ZNF461: variants seen among roughly 807,000 people sequenced by gnomAD.
ZNF461 encodes zinc finger protein 461.
ZNF461 carries 16 observed loss-of-function variants against 18.3 expected under a neutral mutation model. That is an observed-to-expected ratio of 0.88 (90% confidence interval 0.59 to 1.33). The LOEUF is 1.33. Among genes scored for constraint, ZNF461 ranks in the 40% most tolerant of loss-of-function variants. The pLI, the probability that ZNF461 is intolerant of heterozygous loss-of-function variation, is 0.00. For missense variants in ZNF461, 595 were observed against 669.9 expected (o/e 0.89, Z 1.23); for synonymous variants, 179 against 216.9 (o/e 0.83, Z 1.54).
chr19:36,648,500 GT>G (rs556558759), intron 4 of ZNF461, among the ~76,000 whole-genome samples: 24 of 149,888 alleles, frequency 1.6e-4, no homozygotes, highest in South Asian at 4.2e-4. Flanking sequence ...CACTTGTTAT[GT>G]TTTTTTTTTA....
At chr19:36,665,043 C>T (rs956183162) in intron 1 of ZNF461, among the ~76,000 whole-genome samples, 1 of 152,250 alleles carries the variant, frequency 6.6e-6, no homozygotes, top group African/African-American at 2.4e-5. Context: ...TAGGCCAGCC[C>T]ATTGTCCCAA....
intron 1 of ZNF461, among the ~76,000 whole-genome samples, chr19:36,665,656 C>G (rs533737044): frequency 1.4e-5 from 2 of 143,982 alleles, no homozygotes; most frequent in Admixed American, 1.5e-4. Context: ...TTGCAGTGAG[C>G]CGAGATCGCG....
rs1256518124 is a variant in ZNF461, at chr19:36,638,381, T to G, written c.*272A>C. The G allele has an allele frequency of 3.6e-6, 1 of 274,888 alleles. No homozygotes were observed. The highest frequency in any genetic ancestry group is 6.8e-6 in the Non-Finnish European group (1 of 147,230). 17.0% of individuals were successfully genotyped at this position (274,888 alleles called of 1,614,324 possible). On this transcript the variant is annotated 3_prime_UTR_variant, in exon 6 of 6. Transcript: ENST00000588268. ...AAATTGTTTTCATTTTATTTCACTG[T>G]TTCAGTGAAATATTTCACTGGTTTC...
In ZNF461 at chr19:36,648,558, TTTTG is replaced by T. The variant is rs150420348; in HGVS notation, c.233-4700_233-4697del. Among the ~76,000 whole-genome samples the T allele has an allele frequency of 0.031, 4,736 of 152,048 alleles. 490 individuals are homozygous for T. In the East Asian group the frequency reaches 0.38, roughly 12 times the overall value. On this transcript the variant is annotated intron_variant, in intron 4 of 5. Transcript: ENST00000588268. ...TGAGGTGATATCTCATTGTGTGCTT[TTTTG>T]TTTGTTTGTTTTTGTTTTCGTTTTT...
Position 36,664,689 on chromosome 19 carries a change from C to A in ZNF461, c.9+9G>T, listed in dbSNP as rs766037982. 5.3e-6 allele frequency: 8 copies of A among 1,509,108 alleles called. No individual in the cohort carries two copies. The highest frequency in any genetic ancestry group is 2.5e-5 in the Admixed American group (1 of 40,422). The allele number at this position is 1,509,108 out of a possible 1,614,324, so 93.5% of individuals were successfully genotyped here. On this transcript the variant is annotated intron_variant, in intron 2 of 5. Transcript: ENST00000588268. ...TATTGTAATTAGGAGCAAGAAAAAA[C>A]CAACTTACATGGGCCATGTCTTATT...
At chr19:36,658,483 A>G in intron 2 of ZNF461, 58 bp from the exon 3 acceptor site, 3 of 1,501,978 alleles carry the variant, frequency 2.0e-6, no homozygotes, top group African/African-American at 2.8e-5. Flanking sequence ...TTTAAAAAGA[A>G]AAGAGAAGTG....
chr19:36,652,611 C>T (rs1823958119), intron 4 of ZNF461, among the ~76,000 whole-genome samples: 1 of 151,486 alleles, frequency 6.6e-6, no homozygotes, highest in Non-Finnish European at 1.5e-5. Flanking sequence ...AATACACATA[C>T]ACACACCAAA....
chr19:36,643,426 A>T (rs2037464808), intron 5 of ZNF461: 1 of 154,566 alleles, frequency 6.5e-6, no homozygotes, highest in Non-Finnish European at 1.4e-5. Flanking sequence ...TAATATTACA[A>T]ATAGTAGTAG....
rs1156424409 is a variant in ZNF461, at chr19:36,639,497, T to C, written c.848A>G (p.Asn283Ser). Residue 283 changes from asparagine (N) to serine (S), a missense_variant, in exon 6 of 6, where the codon AAT (asparagine) becomes AGT (serine). Asn to Ser is a conservative substitution (Grantham distance 46, BLOSUM62 1). Transcript: ENST00000588268. ...YECNECGKAF[N>S]YGSELTLHQR... ...ATGTAGAGTAAGTTCTGAGCCATAA[T>C]TAAAGGCCTTCCCACATTCGTTACA... is the stretch of plus-strand genomic sequence containing the variant. 1 of 1,611,232 alleles carries C rather than the reference T, an allele frequency of 6.2e-7. No homozygotes were observed. Among genetic ancestry groups the C allele is most frequent in the Non-Finnish European group, 8.5e-7 (1 of 1,178,794 alleles).
chr19:36,653,653 C>T (rs1410337368), intron 4 of ZNF461, among the ~76,000 whole-genome samples: 2 of 152,126 alleles, frequency 1.3e-5, no homozygotes, highest in African/African-American at 4.8e-5. Context: ...ATAAAACCAT[C>T]AGATCTTGTG....
chr19:36,654,971 A>G (rs1030965208), intron 4 of ZNF461, among the ~76,000 whole-genome samples: 2 of 152,120 alleles, frequency 1.3e-5, no homozygotes, highest in Admixed American at 6.6e-5. Flanking sequence ...ATCACCTAGC[A>G]AAGCAACTTG....
At chr19:36,644,532 G>A (rs2037487750) in intron 4 of ZNF461, among the ~76,000 whole-genome samples, 2 of 151,664 alleles carry the variant, frequency 1.3e-5, no homozygotes, top group East Asian at 2.0e-4. Context: ...GCCTCCCAAA[G>A]TGCTGGGATT....
At chr19:36,657,433 A>T (rs2037742981) in intron 3 of ZNF461, among the ~76,000 whole-genome samples, 1 of 151,240 alleles carries the variant, frequency 6.6e-6, no homozygotes, top group Non-Finnish European at 1.5e-5. Context: ...GTGAGCCAAG[A>T]TATGCCATTG....
chr19:36,647,454 C>T (rs1398523048), intron 4 of ZNF461, among the ~76,000 whole-genome samples: 3 of 151,876 alleles, frequency 2.0e-5, no homozygotes, highest in Admixed American at 6.6e-5. Context: ...GCAGAAGAAT[C>T]GCTTGAACCC....
intron 4 of ZNF461, 54 bp from the exon 5 acceptor site, chr19:36,643,916 CA>C: frequency 7.7e-7 from 1 of 1,299,768 alleles, no homozygotes; most frequent in South Asian, 1.6e-5. Flanking sequence ...TTTTATTATA[CA>C]ATAAAAAGAG....
rs1049810061 is a variant in ZNF461 at position 36,664,797 on chromosome 19, G to A, written c.-80-11C>T. The A allele has an allele frequency of 1.3e-5, 13 of 1,027,882 alleles. No individual in the cohort carries two copies. Among genetic ancestry groups the A allele is most frequent in the Admixed American group, 3.0e-5 (1 of 33,574 alleles). The allele number at this position is 1,027,882 out of a possible 1,614,324, so 63.7% of individuals were successfully genotyped here. A position where few individuals can be genotyped will look rare whatever the true frequency, so the allele number is the denominator to read the frequency against. ...CCAAAGAAGGTGTTGCTGGGAGAGA[G>A]GGGAGTTAAAAAAAAGACAGGAGAT... On this transcript the variant is annotated splice_polypyrimidine_tract_variant and intron_variant, in intron 1 of 5. Transcript: ENST00000588268.
intron 2 of ZNF461, among the ~76,000 whole-genome samples, chr19:36,662,115 C>T (rs1037780637): frequency 6.6e-6 from 1 of 152,060 alleles, no homozygotes; most frequent in Non-Finnish European, 1.5e-5. Context: ...GTGATCCGCC[C>T]GCTTCAGCCT....
At chr19:36,651,868 C>T (rs1280046999) in intron 4 of ZNF461, among the ~76,000 whole-genome samples, 1 of 151,938 alleles carries the variant, frequency 6.6e-6, no homozygotes, top group African/African-American at 2.4e-5. Context: ...TAAGGATAGC[C>T]AAAATAATTA....
rs778017840 is a variant in ZNF461, at chr19:36,639,573, A to C, written c.772T>G (p.Cys258Gly). ...ATTCTTAGATGTTTAAGTTGTGAGC[A>C]ATGAACAAAGGCCTTCCAACATTCT... ...CKECWKAFVH[C>G]SQLKHLRIHN... The change falls in exon 6 of 6, where the codon TGC becomes GGC. Residue 258 changes from cysteine to glycine, a missense_variant. By Grantham distance (159) the Cys-to-Gly change is radical. Coordinates refer to ENST00000588268, the MANE Select transcript of ZNF461 (RefSeq NM_153257.5). 1 of 1,613,030 alleles carries C rather than the reference A, an allele frequency of 6.2e-7. No homozygotes were observed. The highest frequency in any genetic ancestry group is 8.5e-7 in the Non-Finnish European group (1 of 1,179,270).
Sources: allele counts gnomAD v4.1 joint callset (sites outside exome capture counted in the v4.1 genomes callset), GRCh38; gene constraint gnomAD v4.1.1; transcripts MANE v1.5; gene names NCBI Gene and HGNC (gene_info 2026-07-23, HGNC 2026-07-21).